Variants in SNRPN observed in about 807,000 individuals in gnomAD.
SNRPN encodes the protein small nuclear ribonucleoprotein polypeptide N, also known as small nuclear ribonucleoprotein-associated protein N.
Under a neutral mutation model 25.2 loss-of-function variants are expected in SNRPN, and 7 were observed. That is an observed-to-expected ratio of 0.28 (90% confidence interval 0.16 to 0.52). The LOEUF is 0.52. Among genes scored for constraint, SNRPN ranks in the 20% least tolerant of loss-of-function variants. SNRPN has a pLI of 0.96. For missense variants in SNRPN, 196 were observed against 322.5 expected, an observed-to-expected ratio of 0.61 and a Z score of 3.00; for synonymous variants, 124 against 110.6, an observed-to-expected ratio of 1.12 and a Z score of -0.76.
chr15:24,903,945 G>C (rs115057674), intron 2 of SNRPN, among the ~76,000 whole-genome samples: 1,809 of 151,694 alleles, frequency 0.012, 50 homozygotes, highest in African/African-American at 0.041. Flanking sequence ...GAGGTGGGAA[G>C]ATCACCTGAG....
At chr15:24,877,180 A>G (rs1305028897) in intron 1 of SNRPN, among the ~76,000 whole-genome samples, 1 of 152,172 alleles carries the variant, frequency 6.6e-6, no homozygotes, top group Non-Finnish European at 1.5e-5. Flanking sequence ...AAATTTTCGT[A>G]TTTTCAGATA....
chr15:24,965,888 C>T (rs1357650496), intron 2 of SNRPN, among the ~76,000 whole-genome samples: 3 of 151,854 alleles, frequency 2.0e-5, no homozygotes, highest in African/African-American at 4.8e-5. Context: ...TTTACTGAAA[C>T]ACTTTTTAGA....
At chr15:24,888,236 A>G (rs1003532115) in intron 2 of SNRPN, among the ~76,000 whole-genome samples, 4 of 151,458 alleles carry the variant, frequency 2.6e-5, no homozygotes, top group Non-Finnish European at 4.4e-5. Flanking sequence ...AGCCTCCCAA[A>G]TAGCTGGGAT....
chr15:24,895,832 A>G (rs1489471635), intron 2 of SNRPN, among the ~76,000 whole-genome samples: 7 of 152,166 alleles, frequency 4.6e-5, no homozygotes, highest in African/African-American at 1.7e-4. Context: ...CCTTAAGCCA[A>G]GGGTAGAAAT....
intron 1 of SNRPN, among the ~76,000 whole-genome samples, chr15:24,876,921 G>A (rs542111757): frequency 6.6e-6 from 1 of 152,218 alleles, no homozygotes; most frequent in South Asian, 2.1e-4. Flanking sequence ...ATATACCAGG[G>A]CTAGATTTTT....
Position 24,961,976 on chromosome 15 carries a change from C to T in SNRPN, c.-390-138C>T, listed in dbSNP as rs189091708. 52 of 816,894 alleles carry T rather than the reference C, an allele frequency of 6.4e-5. No homozygotes were observed. The African/African-American group carries it at 6.6e-4, about 10-fold the overall frequency. The allele number at this position is 816,894 out of a possible 1,614,324, so 50.6% of individuals were successfully genotyped here. A position where few individuals can be genotyped will look rare whatever the true frequency, so the allele number is the denominator to read the frequency against. On this transcript the variant is annotated intron_variant, in intron 1 of 9. Coordinates refer to ENST00000390687, the MANE Select transcript of SNRPN (RefSeq NM_003097.6). ...TTATGACTGTTTGAAGGTTAAAGAT[C>T]TTGTAATAATTTTACCTTGTTTTAA...
chr15:24,957,383 C>T (rs1288125656), intron 1 of SNRPN, among the ~76,000 whole-genome samples: 1 of 152,162 alleles, frequency 6.6e-6, no homozygotes, highest in Non-Finnish European at 1.5e-5. Flanking sequence ...TGCTTTGGAT[C>T]AGTTACTGTC....
At position 24,968,130 on chromosome 15, in the gene SNRPN, T is replaced by C. The variant is rs1459519268; in HGVS notation, c.-144+48T>C. ...TCAAGAATAAAGAATCATTAAAGAA[T>C]GGGGTGTTGGGGGTTCTCTTAATTA... On this transcript the variant is annotated intron_variant, in intron 3 of 9. Transcript: ENST00000390687. 5 of 1,083,914 alleles carry C rather than the reference T, an allele frequency of 4.6e-6. No homozygotes were observed. The African/African-American group carries it at 4.7e-5, about 10-fold the overall frequency. 67.1% of individuals were successfully genotyped at this position (1,083,914 alleles called of 1,614,324 possible). A position where few individuals can be genotyped will look rare whatever the true frequency, so the allele number is the denominator to read the frequency against.
intron 2 of SNRPN, among the ~76,000 whole-genome samples, chr15:24,914,084 G>T (rs953707550): frequency 1.3e-5 from 2 of 152,158 alleles, no homozygotes; most frequent in Admixed American, 1.3e-4. Flanking sequence ...TGGTAAAAGC[G>T]TGAGTGTGGA....
At chr15:24,852,439 T>A (rs560528139), upstream of SNRPN, among the ~76,000 whole-genome samples, 2 of 152,340 alleles carry the variant, frequency 1.3e-5, no homozygotes, top group East Asian at 3.9e-4. Flanking sequence ...CAAAAGTTTC[T>A]CAGTCACCAC....
intron 1 of SNRPN, among the ~76,000 whole-genome samples, chr15:24,865,470 C>T (rs1566841676): frequency 6.6e-6 from 1 of 152,154 alleles, no homozygotes; most frequent in Non-Finnish European, 1.5e-5. Context: ...TTGGTGGGCT[C>T]TTATCAGGAG....
Position 24,834,751 on chromosome 15 carries a change from C to CTCTCTCTCTCTCTATATA in SNRPN, c.-579+4847_-579+4848insCTCTCTCTCTCTATATAT. 3.4e-3 allele frequency among the ~76,000 whole-genome samples: 208 copies of CTCTCTCTCTCTCTATATA among 60,926 alleles called. 1 individual carries two copies. Among genetic ancestry groups the CTCTCTCTCTCTCTATATA allele is most frequent in the Middle Eastern group, 7.6e-3 (1 of 132 alleles). 40.0% of individuals were successfully genotyped at this position (60,926 alleles called of 152,430 possible). A position where few individuals can be genotyped will look rare whatever the true frequency, so the allele number is the denominator to read the frequency against. On this transcript the variant is annotated intron_variant, in intron 2 of 12. Coordinates refer to the SNRPN transcript ENST00000400100. The stretch of plus-strand genomic sequence containing the variant: ...TCCCTCTCTCTCTCTCTCTCTCTCT[C>CTCTCTCTCTCTCTATATA]TATATATATATATATATATATATAT...
intron 2 of SNRPN, among the ~76,000 whole-genome samples, chr15:24,901,101 A>T (rs1041642085): frequency 2.0e-5 from 3 of 152,188 alleles, no homozygotes; most frequent in African/African-American, 7.2e-5. Flanking sequence ...GTCTCAAAAA[A>T]TTAACAAAAA....
At chr15:24,845,886 C>A (rs1315807277) in intron 2 of SNRPN, among the ~76,000 whole-genome samples, 2 of 150,956 alleles carry the variant, frequency 1.3e-5, no homozygotes, top group African/African-American at 4.9e-5. Context: ...AGCTTGAGAC[C>A]AGCCTGACCA....
intron 3 of SNRPN, among the ~76,000 whole-genome samples, chr15:24,921,751 A>G (rs973376050): frequency 6.6e-6 from 1 of 152,138 alleles, no homozygotes; most frequent in African/African-American, 2.4e-5. Context: ...GCCTATTGAA[A>G]CTGGCTTTTC....
chr15:24,951,240 T>C (rs778133818), upstream of SNRPN, among the ~76,000 whole-genome samples: 1 of 152,008 alleles, frequency 6.6e-6, no homozygotes, highest in Non-Finnish European at 1.5e-5. Context: ...TTTGTAAGCA[T>C]TGCCAAACTC....
intron 1 of SNRPN, among the ~76,000 whole-genome samples, chr15:24,880,999 T>A (rs1308908843): frequency 6.6e-6 from 1 of 152,128 alleles, no homozygotes; most frequent in Non-Finnish European, 1.5e-5. Context: ...CAAAATTATA[T>A]TCGCTTTACC....
chr15:24,947,703 A>G (rs2061967799), intron 3 of SNRPN, among the ~76,000 whole-genome samples: 2 of 152,220 alleles, frequency 1.3e-5, no homozygotes, highest in Non-Finnish European at 2.9e-5. Context: ...TATTTGTTTT[A>G]AAATATCTTT....
chr15:24,882,835 T>A (rs4643292), intron 1 of SNRPN, among the ~76,000 whole-genome samples: 1,939 of 98,646 alleles, frequency 0.02, 156 homozygotes, highest in African/African-American at 0.022. Context: ...AAAAAAAAAA[T>A]ATATATATAT....
Sources: gnomAD v4.1 joint callset for allele counts (sites outside exome capture counted in the v4.1 genomes callset) on GRCh38, gnomAD v4.1.1 for gene constraint, MANE v1.5 for transcripts, NCBI Gene and HGNC (gene_info 2026-07-23, HGNC 2026-07-21) for gene names.